The following XXYLT1 variants were observed in gnomAD, a reference collection of about 807,000 sequenced individuals.
The protein encoded by XXYLT1 is xyloside xylosyltransferase 1, also known as UDP-xylose:alpha-xyloside alpha-1,3-xylosyltransferase.
A neutral mutation model predicts 28.9 loss-of-function variants in XXYLT1; 20 were observed. The ratio of observed to expected loss-of-function variants is 0.69; its 90% confidence interval spans 0.49 to 1.00. XXYLT1 has a LOEUF of 1.00. Among genes scored for constraint, XXYLT1 ranks in the 50% least tolerant of loss-of-function variants. XXYLT1 has a pLI of 0.00. For synonymous variants in XXYLT1, 257 were observed against 253.8 expected, an observed-to-expected ratio of 1.01 and a Z score of -0.12; for missense variants, 542 against 560.1, an observed-to-expected ratio of 0.97 and a Z score of 0.33.
chr3:195,118,414 C>G (rs1718161863), intron 3 of XXYLT1, among the ~76,000 whole-genome samples: 1 of 152,238 alleles, frequency 6.6e-6, no homozygotes, highest in African/African-American at 2.4e-5. Context: ...GACTGCCTCC[C>G]AGCTTCCACA....
rs555971354 is a variant in XXYLT1 at position 195,144,566 on chromosome 3, C to T, written c.785+11883G>A. On this transcript the variant is annotated intron_variant, in intron 3 of 3. Transcript: ENST00000310380. ...AAATTTTTTGTATCTTTAGTAGGGA[C>T]GGGGTTTCACCACATTGGGCAGGCT... Among the ~76,000 whole-genome samples the T allele has an allele frequency of 1.3e-4, 20 of 151,998 alleles. No homozygotes were observed. The East Asian group carries it at 2.7e-3, about 21-fold the overall frequency.
At position 195,133,947 on chromosome 3, in the gene XXYLT1, C is replaced by T. The variant is rs114048902; in HGVS notation, c.785+22502G>A. The stretch of plus-strand genomic sequence containing the variant: ...TTACTTTTGGCTGGGTGTGGAGGCT[C>T]ATGCCTGTAATCCTGGCACTTTGGG... On this transcript the variant is annotated intron_variant, in intron 3 of 3. Coordinates refer to ENST00000310380, the MANE Select transcript of XXYLT1 (RefSeq NM_152531.5). The surrounding 1 kb of genome is among the most constrained non-coding windows in gnomAD (Gnocchi z 4.4). 0.014 allele frequency among the ~76,000 whole-genome samples: 2,153 copies of T among 152,256 alleles called. 47 individuals are homozygous for T. Among genetic ancestry groups the T allele is most frequent in the African/African-American group, 0.05 (2,059 of 41,526 alleles).
intron 3 of XXYLT1, among the ~76,000 whole-genome samples, chr3:195,084,305 G>GC (rs1715603539): frequency 1.3e-5 from 2 of 152,118 alleles, no homozygotes; most frequent in African/African-American, 2.4e-5. Context: ...GCAGGGATCA[G>GC]CTAGGCTGCT....
chr3:195,230,467 T>C (rs901169825), intron 1 of XXYLT1, among the ~76,000 whole-genome samples: 1 of 152,234 alleles, frequency 6.6e-6, no homozygotes, highest in Admixed American at 6.5e-5. Context: ...CCAAGTCCAA[T>C]GTCCTGGAGA....
intron 2 of XXYLT1, among the ~76,000 whole-genome samples, chr3:195,182,153 C>A (rs1483242194): frequency 3.9e-5 from 6 of 152,190 alleles, no homozygotes; most frequent in Non-Finnish European, 5.9e-5. Context: ...TGCTCCCGGG[C>A]AAGTCATTTA....
At chr3:195,203,764 T>A (rs1722951256) in intron 2 of XXYLT1, among the ~76,000 whole-genome samples, 1 of 152,206 alleles carries the variant, frequency 6.6e-6, no homozygotes, top group Non-Finnish European at 1.5e-5. Flanking sequence ...ACTGTCATCC[T>A]CCATGCTGAT....
At position 195,257,549 on chromosome 3, in the gene XXYLT1, G is replaced by A. The variant is rs989763896; in HGVS notation, c.504+13006C>T. Among the ~76,000 whole-genome samples, 2 of 152,200 alleles carry A rather than the reference G, an allele frequency of 1.3e-5. No individual in the cohort carries two copies. Among genetic ancestry groups the A allele is most frequent in the Non-Finnish European group, 2.9e-5 (2 of 68,034 alleles). On this transcript the variant is annotated intron_variant, in intron 1 of 3. Coordinates refer to ENST00000310380, the MANE Select transcript of XXYLT1 (RefSeq NM_152531.5). The surrounding 1 kb of genome is among the most constrained non-coding windows in gnomAD (Gnocchi z 4.3). ...CTGAGCAAAGTCCCAGAGATGGGAA[G>A]TGGCCGGGGTACACCACAACCCCAG...
chr3:195,131,856 G>C (rs929972141), intron 3 of XXYLT1, among the ~76,000 whole-genome samples: 2 of 152,176 alleles, frequency 1.3e-5, no homozygotes, highest in African/African-American at 4.8e-5. Flanking sequence ...TCCTAGTTTT[G>C]TGACCTTGGA....
At chr3:195,155,410 A>T (rs1720513446) in intron 3 of XXYLT1, among the ~76,000 whole-genome samples, 1 of 152,324 alleles carries the variant, frequency 6.6e-6, no homozygotes, top group South Asian at 2.1e-4. Flanking sequence ...CAAACTCGGC[A>T]GCTCTGCTCT....
chr3:195,258,326 C>T (rs996624208), intron 1 of XXYLT1, among the ~76,000 whole-genome samples: 1 of 152,140 alleles, frequency 6.6e-6, no homozygotes, highest in African/African-American at 2.4e-5. Context: ...CCCAGAGGCC[C>T]GGCCTTTTTA....
chr3:195,073,848 C>T (rs1266663709), intron 3 of XXYLT1, among the ~76,000 whole-genome samples: 1 of 151,958 alleles, frequency 6.6e-6, no homozygotes, highest in East Asian at 1.9e-4. Flanking sequence ...TGAAGAAAAC[C>T]CATCTTTATG....
chr3:195,156,423 G>C, intron 3 of XXYLT1, 26 bp downstream of exon 3: 1 of 1,609,040 alleles, frequency 6.2e-7, no homozygotes, highest in East Asian at 2.2e-5. Flanking sequence ...GGTCGTGGAG[G>C]CGGCCCCCCT....
At chr3:195,105,345 C>T (rs78176129) in intron 3 of XXYLT1, among the ~76,000 whole-genome samples, 4,661 of 152,288 alleles carry the variant, frequency 0.031, 267 homozygotes, top group African/African-American at 0.11. Context: ...AAAACTGACT[C>T]TTCAGGAAGA....
chr3:195,130,903 T>C (rs1347370229), intron 3 of XXYLT1, among the ~76,000 whole-genome samples: 3 of 151,938 alleles, frequency 2.0e-5, no homozygotes, highest in Non-Finnish European at 4.4e-5. Flanking sequence ...CTTTGTCCCA[T>C]ACGCTCCGAA....
At chr3:195,070,564 GA>G (rs1409579166) in intron 3 of XXYLT1, among the ~76,000 whole-genome samples, 18 of 152,202 alleles carry the variant, frequency 1.2e-4, no homozygotes, top group Admixed American at 6.5e-5. Flanking sequence ...ACATTCTTAA[GA>G]TAGCAGCAAT....
chr3:195,188,817 T>C (rs1406131745), intron 2 of XXYLT1, among the ~76,000 whole-genome samples: 1 of 152,240 alleles, frequency 6.6e-6, no homozygotes, highest in Non-Finnish European at 1.5e-5. Context: ...ACAGCCAACT[T>C]TGTGTAAACA....
chr3:195,268,650 C>T (rs989839511), intron 1 of XXYLT1, among the ~76,000 whole-genome samples: 1 of 151,984 alleles, frequency 6.6e-6, no homozygotes, highest in African/African-American at 2.4e-5. Context: ...GACTGATAAC[C>T]CCTTATCCAA....
intron 2 of XXYLT1, chr3:195,175,790 G>A (rs1721636297): frequency 6.7e-7 from 1 of 1,488,024 alleles, no homozygotes; most frequent in Non-Finnish European, 8.9e-7. Flanking sequence ...ACATGCTCCA[G>A]ATGGCGTCGT....
chr3:195,112,589 A>G (rs1256098670), intron 3 of XXYLT1, among the ~76,000 whole-genome samples: 1 of 148,012 alleles, frequency 6.8e-6, no homozygotes, highest in African/African-American at 2.5e-5. Context: ...GCACGCACAC[A>G]CACACACGCA....
Sources: allele counts gnomAD v4.1 joint callset (sites outside exome capture counted in the v4.1 genomes callset), GRCh38; gene constraint gnomAD v4.1.1; non-coding constraint Gnocchi (gnomAD v3.1); transcripts MANE v1.5; gene names NCBI Gene and HGNC (gene_info 2026-07-23, HGNC 2026-07-21).